Variants in CLSTN2 observed in about 807,000 individuals in gnomAD.
CLSTN2 encodes calsyntenin 2.
Under a neutral mutation model 101.2 loss-of-function variants are expected in CLSTN2, and 48 were observed. That is an observed-to-expected ratio of 0.47 (90% CI 0.38 to 0.60). CLSTN2 has a LOEUF of 0.60. CLSTN2 is among the 20% of genes least tolerant of loss of function. The probability of loss-of-function intolerance (pLI) is 0.00; values close to 1 mark genes in which losing one functional copy is unlikely to be tolerated. For synonymous variants in CLSTN2, 481 were observed against 463.6 expected, an observed-to-expected ratio of 1.04 and a Z score of -0.48; for missense variants, 1,160 against 1,238.2, an observed-to-expected ratio of 0.94 and a Z score of 0.95.
chr3:140,279,672 A>G (rs2086826900), intron 2 of CLSTN2, among the ~76,000 whole-genome samples: 1 of 152,162 alleles, frequency 6.6e-6, no homozygotes, highest in South Asian at 2.1e-4. Context: ...TGAGCCCCTC[A>G]AGGTCAGCAG....
chr3:140,145,019 A>G (rs1036137385), intron 1 of CLSTN2, among the ~76,000 whole-genome samples: 1 of 152,218 alleles, frequency 6.6e-6, no homozygotes, highest in African/African-American at 2.4e-5. Context: ...TTATGTACTC[A>G]TTGGTAGTTT....
intron 8 of CLSTN2, among the ~76,000 whole-genome samples, chr3:140,502,566 A>C (rs1486394224): frequency 6.6e-6 from 1 of 152,246 alleles, no homozygotes; most frequent in Non-Finnish European, 1.5e-5. Flanking sequence ...CGTGAATTAC[A>C]CATATTGATA....
chr3:140,008,157 G>A (rs550279757), intron 1 of CLSTN2, among the ~76,000 whole-genome samples: 3 of 152,216 alleles, frequency 2.0e-5, no homozygotes, highest in Non-Finnish European at 4.4e-5. Context: ...AGTGTTGGGA[G>A]CATGGTTCTG....
intron 2 of CLSTN2, among the ~76,000 whole-genome samples, chr3:140,234,286 TGCTGCTGCTGCCGCA>T (rs2086396736): frequency 6.6e-6 from 1 of 152,246 alleles, no homozygotes. Flanking sequence ...TTGCAAGTGA[TGCTGCTGCTGCCGCA>T]GCTGCTGCTG....
Position 140,564,098 on chromosome 3 carries a change from A to T in CLSTN2, c.2620A>T (p.Met874Leu). 1 of 1,614,110 alleles carries T rather than the reference A, an allele frequency of 6.2e-7. No homozygotes were observed. Among genetic ancestry groups the T allele is most frequent in the Non-Finnish European group, 8.5e-7 (1 of 1,179,994 alleles). Reference protein sequence around the residue: ...QETEAAKESEMDWDDSALTIT... With the variant: ...QETEAAKESELDWDDSALTIT... ...GACTGAGGCTGCCAAGGAATCTGAGATGGACTGGGACGATTCTGCGCTGAC... is the reference window on the plus strand; with the variant it reads ...GACTGAGGCTGCCAAGGAATCTGAGTTGGACTGGGACGATTCTGCGCTGAC... Residue 874 changes from methionine to leucine, a missense_variant, in exon 16 of 17, where the codon ATG becomes TTG. Transcript: ENST00000458420.
intron 1 of CLSTN2, among the ~76,000 whole-genome samples, chr3:139,969,081 T>G (rs1381919518): frequency 6.6e-6 from 1 of 152,260 alleles, no homozygotes; most frequent in East Asian, 1.9e-4. Flanking sequence ...CTTGTTCACA[T>G]GCATTATCTC....
chr3:140,043,103 T>A (rs933949175), intron 1 of CLSTN2, among the ~76,000 whole-genome samples: 3 of 152,200 alleles, frequency 2.0e-5, no homozygotes, highest in Non-Finnish European at 4.4e-5. Context: ...CGCCACACTG[T>A]CTTCCACAAT....
intron 2 of CLSTN2, among the ~76,000 whole-genome samples, chr3:140,322,459 A>G (rs1050473488): frequency 6.6e-6 from 1 of 152,234 alleles, no homozygotes; most frequent in Admixed American, 6.5e-5. Flanking sequence ...ACGCAGAGCA[A>G]GAGGTGCTGA....
chr3:140,410,127 T>A (rs1050942731), intron 4 of CLSTN2, among the ~76,000 whole-genome samples: 9 of 152,030 alleles, frequency 5.9e-5, no homozygotes, highest in Admixed American at 3.9e-4. Flanking sequence ...GAAAGCTTAT[T>A]TAAAGGCATA....
intron 1 of CLSTN2, among the ~76,000 whole-genome samples, chr3:140,080,654 A>G (rs749484982): frequency 6.6e-5 from 10 of 152,228 alleles, no homozygotes; most frequent in East Asian, 1.9e-4. Flanking sequence ...GTGCTGCTTC[A>G]TAGGCTTTCA....
chr3:140,151,856 G>T lies in CLSTN2; in HGVS notation c.110-24095G>T, dbSNP rs76466906. On this transcript the variant is annotated intron_variant, in intron 1 of 16. Transcript: ENST00000458420. ...TTGGCCTAAGCAGTGGGGGTAGAAA[G>T]CTGATTCAGAGAAGATACATTCTTA... Among the ~76,000 whole-genome samples the T allele has an allele frequency of 6.8e-4, 103 of 152,298 alleles. No individual in the cohort carries two copies. The East Asian group carries it at 0.017, about 25-fold the overall frequency.
At chr3:140,416,024 G>A (rs1028083084) in intron 4 of CLSTN2, among the ~76,000 whole-genome samples, 6 of 152,146 alleles carry the variant, frequency 3.9e-5, no homozygotes, top group East Asian at 1.9e-4. Flanking sequence ...ATTACTCAGC[G>A]TTAAAAAAGA....
intron 4 of CLSTN2, 98 bp downstream of exon 4, chr3:140,404,864 A>G: frequency 9.7e-7 from 1 of 1,030,174 alleles, no homozygotes; most frequent in Admixed American, 1.9e-5. Flanking sequence ...TTGGCAAGTT[A>G]TGCCTTTCTT....
intron 1 of CLSTN2, among the ~76,000 whole-genome samples, chr3:140,171,806 TTATATATTA>T: frequency 1.1e-5 from 1 of 91,502 alleles, no homozygotes; most frequent in East Asian, 2.2e-4. Context: ...ATAATATGTA[TTATATATTA>T]TATATTATAT....
intron 1 of CLSTN2, among the ~76,000 whole-genome samples, chr3:140,025,835 G>A (rs974044606): frequency 6.6e-6 from 1 of 152,194 alleles, no homozygotes; most frequent in East Asian, 1.9e-4. Context: ...AGATGAACAT[G>A]CGATGGAGAC....
intron 1 of CLSTN2, among the ~76,000 whole-genome samples, chr3:139,987,375 T>C (rs747538769): frequency 2.0e-5 from 3 of 152,216 alleles, no homozygotes; most frequent in Non-Finnish European, 4.4e-5. Context: ...TTAAAAATGT[T>C]AATTGCAGCA....
At chr3:140,451,190 T>C (rs1006329299) in intron 6 of CLSTN2, among the ~76,000 whole-genome samples, 1 of 152,198 alleles carries the variant, frequency 6.6e-6, no homozygotes, top group African/African-American at 2.4e-5. Context: ...GATCAGCTTG[T>C]TAAAGATCAG....
chr3:140,195,879 A>G (rs1419209449), intron 2 of CLSTN2, among the ~76,000 whole-genome samples: 1 of 152,242 alleles, frequency 6.6e-6, no homozygotes, highest in Non-Finnish European at 1.5e-5. Context: ...ATTCATATAT[A>G]AGAAACTATT....
intron 8 of CLSTN2, among the ~76,000 whole-genome samples, chr3:140,476,956 G>A (rs930431177): frequency 6.6e-6 from 1 of 152,122 alleles, no homozygotes; most frequent in Non-Finnish European, 1.5e-5. Context: ...ACCGTGCCCA[G>A]CCTGTTTTAG....
Sources: gnomAD v4.1 joint callset for allele counts (sites outside exome capture counted in the v4.1 genomes callset) on GRCh38, gnomAD v4.1.1 for gene constraint, MANE v1.5 for transcripts, NCBI Gene and HGNC (gene_info 2026-07-23, HGNC 2026-07-21) for gene names.